DAAM2: variants seen among roughly 807,000 people sequenced by gnomAD.
DAAM2 encodes disheveled-associated activator of morphogenesis 2.
In DAAM2, 39 loss-of-function variants were observed where a neutral mutation model predicts 120.7. The observed-to-expected ratio is 0.32, with a 90% CI of 0.25 to 0.42. The LOEUF is 0.42. Ranked by LOEUF, DAAM2 falls within the 10% of genes least tolerant of loss-of-function variation. The pLI is 1.00. For missense variants in DAAM2, 1,283 were observed against 1,401.7 expected, an observed-to-expected ratio of 0.92 and a Z score of 1.35; for synonymous variants, 488 against 524.9, an observed-to-expected ratio of 0.93 and a Z score of 0.96.
At chr6:39,840,046 G>T (rs1039887967) in intron 1 of DAAM2, among the ~76,000 whole-genome samples, 20 of 152,260 alleles carry the variant, frequency 1.3e-4, no homozygotes, top group African/African-American at 4.6e-4. Flanking sequence ...GGGCAACATG[G>T]TGAAACCCTG....
chr6:39,839,029 C>CG (rs1763218996), intron 1 of DAAM2, among the ~76,000 whole-genome samples: 1 of 152,064 alleles, frequency 6.6e-6, no homozygotes, highest in Admixed American at 6.5e-5. Flanking sequence ...AGTGGTCCCC[C>CG]CTCTCTCTCC....
intron 1 of DAAM2, among the ~76,000 whole-genome samples, chr6:39,831,467 A>C (rs1762885219): frequency 6.6e-6 from 1 of 151,984 alleles, no homozygotes; most frequent in Admixed American, 6.5e-5. Flanking sequence ...GATTACTATT[A>C]TTATTCTCAT....
At chr6:39,898,796 T>C (rs1766286959) in intron 21 of DAAM2, 81 bp from the exon 22 acceptor site, 1 of 1,236,146 alleles carries the variant, frequency 8.1e-7, no homozygotes, top group African/African-American at 1.5e-5. Flanking sequence ...TGCTTGGCTC[T>C]GCCCTCTCCC....
At chr6:39,867,283 G>A (rs1764469645) in intron 5 of DAAM2, 1 of 553,698 alleles carries the variant, frequency 1.8e-6, no homozygotes, top group Admixed American at 3.1e-5. Context: ...TTTTAGCTAT[G>A]CAACTGACAA....
At chr6:39,830,494 A>C (rs549165485) in intron 1 of DAAM2, among the ~76,000 whole-genome samples, 1 of 152,092 alleles carries the variant, frequency 6.6e-6, no homozygotes, top group African/African-American at 2.4e-5. Context: ...CGTCTTCTTC[A>C]TCGTGAGTGG....
At chr6:39,893,564 G>A (rs1382279480) in intron 19 of DAAM2, among the ~76,000 whole-genome samples, 1 of 152,078 alleles carries the variant, frequency 6.6e-6, no homozygotes, top group African/African-American at 2.4e-5. Context: ...TCAGGAAAGA[G>A]TCTCCATTTG....
At chr6:39,839,729 G>T (rs568556476) in intron 1 of DAAM2, among the ~76,000 whole-genome samples, 20 of 152,356 alleles carry the variant, frequency 1.3e-4, no homozygotes, top group African/African-American at 3.8e-4. Context: ...CCAGCAAATC[G>T]CAGGAGGCTC....
At chr6:39,861,199 A>G in intron 3 of DAAM2, 182 bp downstream of exon 3, 1 of 683,814 alleles carries the variant, frequency 1.5e-6, no homozygotes, top group Non-Finnish European at 2.7e-6. Context: ...GCTTACACTC[A>G]AAGAAATAGG....
At chr6:39,859,640 A>G (rs1199805118) in intron 2 of DAAM2, among the ~76,000 whole-genome samples, 1 of 152,246 alleles carries the variant, frequency 6.6e-6, no homozygotes, top group East Asian at 1.9e-4. Flanking sequence ...AAAGGAATGT[A>G]AAATATCTCA....
intron 17 of DAAM2, among the ~76,000 whole-genome samples, chr6:39,889,754 A>C (rs922432597): frequency 6.6e-6 from 1 of 152,210 alleles, no homozygotes; most frequent in Non-Finnish European, 1.5e-5. Flanking sequence ...CAATTAACAC[A>C]TATTTTTATG....
intron 2 of DAAM2, among the ~76,000 whole-genome samples, chr6:39,858,590 T>C (rs921770213): frequency 2.0e-5 from 3 of 152,196 alleles, no homozygotes; most frequent in Admixed American, 1.3e-4. Context: ...CACACATTCT[T>C]TCTGTACATC....
At chr6:39,804,583 G>A (rs537183027) in intron 1 of DAAM2, among the ~76,000 whole-genome samples, 26 of 151,470 alleles carry the variant, frequency 1.7e-4, no homozygotes, top group African/African-American at 6.0e-4. Flanking sequence ...CACATACAAA[G>A]GACAAAGAAT....
At chr6:39,897,629 G>A (rs547223194) in intron 21 of DAAM2, among the ~76,000 whole-genome samples, 1 of 152,180 alleles carries the variant, frequency 6.6e-6, no homozygotes, top group Non-Finnish European at 1.5e-5. Context: ...GGTGGGAAGA[G>A]GTATTGGGAA....
chr6:39,874,017 A>C (rs1231683211), intron 10 of DAAM2, among the ~76,000 whole-genome samples: 1 of 152,240 alleles, frequency 6.6e-6, no homozygotes, highest in Non-Finnish European at 1.5e-5. Context: ...GTGGCCCACC[A>C]TAATGGTTGA....
chr6:39,808,737 T>C (rs1469707948), intron 1 of DAAM2, among the ~76,000 whole-genome samples: 1 of 152,246 alleles, frequency 6.6e-6, no homozygotes, highest in African/African-American at 2.4e-5. Flanking sequence ...TTATATGGCC[T>C]TTGTCCTTGA....
chr6:39,883,160 C>G (rs1765208931), intron 14 of DAAM2, among the ~76,000 whole-genome samples: 1 of 147,316 alleles, frequency 6.8e-6, no homozygotes, highest in South Asian at 2.2e-4. Context: ...GGACCATCAG[C>G]AGGGTGCTAC....
chr6:39,794,120 G>A (rs1253423589), intron 1 of DAAM2, among the ~76,000 whole-genome samples: 2 of 152,168 alleles, frequency 1.3e-5, no homozygotes, highest in East Asian at 1.9e-4. Flanking sequence ...TCAGGAGTAC[G>A]TTGTCAACTG....
At position 39,840,226 on chromosome 6, in the gene DAAM2, C is replaced by CA. The variant is rs768979020; in HGVS notation, c.-56-16015dup. Among the ~76,000 whole-genome samples the CA allele has an allele frequency of 1.5e-3, 225 of 150,478 alleles. 1 individual carries two copies. The Middle Eastern group carries it at 0.031, about 21-fold the overall frequency. On this transcript the variant is annotated intron_variant, in intron 1 of 24. Transcript: ENST00000274867. ...TGGGCAATAGAGTGAGACAATGTCT[C>CA]AAAAAACAAACAAACAAACAAACAA... is the stretch of plus-strand genomic sequence containing the variant.
rs112453983 is a variant in DAAM2 at position 39,830,397 on chromosome 6, G to A, written c.-56-25850G>A. On this transcript the variant is annotated intron_variant, in intron 1 of 24. Coordinates refer to ENST00000274867, the MANE Select transcript of DAAM2 (RefSeq NM_001201427.2). Reference sequence around the variant, plus strand: ...GAGTCCTCTGTGACTGTCATTCCACGCACTCCCTCCCAGGGAGGGAGGCAG... The same window carrying A: ...GAGTCCTCTGTGACTGTCATTCCACACACTCCCTCCCAGGGAGGGAGGCAG... Among the ~76,000 whole-genome samples, 254 of 152,168 alleles carry A rather than the reference G, an allele frequency of 1.7e-3. 1 individual carries two copies. The highest frequency in any genetic ancestry group is 0.01 in the Middle Eastern group (3 of 294).
Sources: gnomAD v4.1 joint callset for allele counts (sites outside exome capture counted in the v4.1 genomes callset) on GRCh38, gnomAD v4.1.1 for gene constraint, MANE v1.5 for transcripts, NCBI Gene and HGNC (gene_info 2026-07-23, HGNC 2026-07-21) for gene names.